Variants in PPA2 observed in about 807,000 individuals in gnomAD.
PPA2 encodes inorganic pyrophosphatase 2, mitochondrial.
Under a neutral mutation model 49.5 loss-of-function variants are expected in PPA2, and 48 were observed. That is an observed-to-expected ratio of 0.97 (90% CI 0.77 to 1.23). The LOEUF (loss-of-function observed/expected upper bound fraction) is 1.23. PPA2 is among the 50% of genes most tolerant of loss of function. The probability of loss-of-function intolerance (pLI) is 0.00; values close to 1 mark genes in which losing one functional copy is unlikely to be tolerated. For missense variants in PPA2, 429 were observed against 410.1 expected (o/e 1.05, Z -0.40); for synonymous variants, 131 against 139.9 (o/e 0.94, Z 0.45).
At chr4:105,403,175 C>CA (rs1722303046) in intron 7 of PPA2, among the ~76,000 whole-genome samples, 1 of 152,068 alleles carries the variant, frequency 6.6e-6, no homozygotes, top group African/African-American at 2.4e-5. Context: ...AAGTGTGCAC[C>CA]ACCATGCTTG....
chr4:105,445,003 A>T (rs988827063), intron 5 of PPA2, among the ~76,000 whole-genome samples: 1 of 152,184 alleles, frequency 6.6e-6, no homozygotes, highest in Non-Finnish European at 1.5e-5. Flanking sequence ...AGGTCACATT[A>T]CTAGAAAGTG....
chr4:105,395,788 G>A (rs1201586327), intron 9 of PPA2, among the ~76,000 whole-genome samples: 1 of 151,946 alleles, frequency 6.6e-6, no homozygotes, highest in Non-Finnish European at 1.5e-5. Flanking sequence ...ATATTAAAAG[G>A]GGCTCAGCCC....
intron 9 of PPA2, among the ~76,000 whole-genome samples, chr4:105,392,156 A>G (rs1387436503): frequency 6.6e-6 from 1 of 152,188 alleles, no homozygotes; most frequent in Non-Finnish European, 1.5e-5. Flanking sequence ...GATTTCTCCC[A>G]GAATCAAGTT....
intron 9 of PPA2, among the ~76,000 whole-genome samples, chr4:105,391,977 A>G (rs1733940588): frequency 6.6e-6 from 1 of 152,140 alleles, no homozygotes; most frequent in South Asian, 2.1e-4. Flanking sequence ...GCACTCAAGA[A>G]TCAATCAAAA....
rs769315119 is a variant in PPA2, at chr4:105,406,069, C to T, written c.656-6905G>A. The stretch of plus-strand genomic sequence containing the variant: ...TTTCAGGAAACATGGTCACAATGCA[C>T]GAACATATGGAAATCCAAGATGAGG... On this transcript the variant is annotated intron_variant, in intron 7 of 11. Transcript: ENST00000341695. The T allele has an allele frequency of 6.7e-4, 90 of 134,828 alleles. 1 individual carries two copies. Among genetic ancestry groups the T allele is most frequent in the Non-Finnish European group, 1.7e-4 (11 of 65,670 alleles). The allele number at this position is 134,828 out of a possible 1,614,324, so 8.4% of individuals were successfully genotyped here.
At chr4:105,405,560 A>G in intron 7 of PPA2, 4 of 947,178 alleles carry the variant, frequency 4.2e-6, no homozygotes, top group Non-Finnish European at 5.0e-6. Flanking sequence ...TATTTCTGAA[A>G]TGAGGTTTTC....
chr4:105,471,144 T>C (rs1215996776), intron 1 of PPA2, among the ~76,000 whole-genome samples: 1 of 152,170 alleles, frequency 6.6e-6, no homozygotes, highest in East Asian at 1.9e-4. Context: ...CCTAATAATA[T>C]ACCATGGGAT....
chr4:105,425,957 A>T (rs946775769), intron 6 of PPA2, among the ~76,000 whole-genome samples: 2 of 152,180 alleles, frequency 1.3e-5, no homozygotes, highest in Non-Finnish European at 2.9e-5. Flanking sequence ...CAAAGAAATG[A>T]AATCTTTAAA....
Position 105,370,929 on chromosome 4 carries a change from AG to A in PPA2, c.940-57del, listed in dbSNP as rs1046905020. ...TTACAATAAATATTTATATGTGGAA[AG>A]CGCATCCAGAAGTTTTTTCACGAAA... On this transcript the variant is annotated intron_variant, in intron 10 of 11. Coordinates refer to ENST00000341695, the MANE Select transcript of PPA2 (RefSeq NM_176869.3). The A allele has an allele frequency of 7.1e-5, 100 of 1,399,596 alleles. No homozygotes were observed. The African/African-American group carries it at 1.4e-3, about 19-fold the overall frequency. 86.7% of individuals were successfully genotyped at this position (1,399,596 alleles called of 1,614,324 possible).
At chr4:105,438,895 T>C (rs992426334) in intron 5 of PPA2, among the ~76,000 whole-genome samples, 1 of 152,138 alleles carries the variant, frequency 6.6e-6, no homozygotes, top group African/African-American at 2.4e-5. Context: ...TTTCCTTTAA[T>C]TTTATATAGA....
intron 1 of PPA2, among the ~76,000 whole-genome samples, chr4:105,457,133 A>G (rs1255676932): frequency 6.6e-6 from 1 of 152,180 alleles, no homozygotes. Flanking sequence ...AAACTTAACA[A>G]TAGTATTCCC....
At chr4:105,422,585 G>T (rs1723300289) in intron 7 of PPA2, among the ~76,000 whole-genome samples, 1 of 93,706 alleles carries the variant, frequency 1.1e-5, no homozygotes, top group Non-Finnish European at 2.7e-5. Context: ...TGAATTGCTT[G>T]GTATAATATT....
chr4:105,409,296 G>A (rs930154767), intron 7 of PPA2, among the ~76,000 whole-genome samples: 1 of 152,234 alleles, frequency 6.6e-6, no homozygotes, highest in East Asian at 1.9e-4. Context: ...CTTGTTCACT[G>A]CTAGCGCAGC....
At chr4:105,397,592 T>C (rs1353806405) in intron 8 of PPA2, among the ~76,000 whole-genome samples, 1 of 152,152 alleles carries the variant, frequency 6.6e-6, no homozygotes, top group African/African-American at 2.4e-5. Flanking sequence ...AATCTCATGT[T>C]CAAATTTGAT....
chr4:105,370,869 G>T lies in PPA2; in HGVS notation c.944C>A (p.Ser315Ter). Residue 315 changes from serine to a stop codon, truncating the protein, a stop_gained, in exon 11 of 12, where the codon TCA (serine) becomes TAA (stop). Transcript: ENST00000341695. LOFTEE classifies it high-confidence loss of function. ...ATTACTTTCTTTATTTGGTGAAGATGATACCTGGAAATAAAAACAGAGAAA... is the reference window on the plus strand; with the variant it reads ...ATTACTTTCTTTATTTGGTGAAGATTATACCTGGAAATAAAAACAGAGAAA... The part of the protein sequence containing the change: ...EEARSLVESV[S>*]SSPNKESNEE... 1 of 1,472,168 alleles carries T rather than the reference G, an allele frequency of 6.8e-7. No individual in the cohort carries two copies. The highest frequency in any genetic ancestry group is 9.1e-7 in the Non-Finnish European group (1 of 1,094,032). The allele number at this position is 1,472,168 out of a possible 1,614,324, so 91.2% of individuals were successfully genotyped here.
At chr4:105,437,365 A>G (rs1312007564) in intron 6 of PPA2, among the ~76,000 whole-genome samples, 2 of 152,204 alleles carry the variant, frequency 1.3e-5, no homozygotes, top group Admixed American at 6.5e-5. Flanking sequence ...AACGTAGTAG[A>G]AAATAGAAGA....
chr4:105,373,450 A>G (rs967011987), intron 10 of PPA2, among the ~76,000 whole-genome samples: 1 of 144,262 alleles, frequency 6.9e-6, no homozygotes, highest in Admixed American at 7.1e-5. Flanking sequence ...TAAGGACAGT[A>G]TAACAATACA....
intron 6 of PPA2, among the ~76,000 whole-genome samples, chr4:105,426,542 T>G (rs899949191): frequency 2.6e-5 from 4 of 152,254 alleles, no homozygotes; most frequent in Non-Finnish European, 5.9e-5. Context: ...CTCCCGTGCC[T>G]GGCTCGGCGG....
intron 10 of PPA2, among the ~76,000 whole-genome samples, chr4:105,371,911 T>A (rs927502007): frequency 2.0e-5 from 3 of 152,106 alleles, no homozygotes; most frequent in African/African-American, 7.2e-5. Flanking sequence ...CTGCTCCACT[T>A]CTCTCCCTAT....
Sources: gnomAD v4.1 joint callset for allele counts (sites outside exome capture counted in the v4.1 genomes callset) on GRCh38, gnomAD v4.1.1 for gene constraint, MANE v1.5 for transcripts, NCBI Gene and HGNC (gene_info 2026-07-23, HGNC 2026-07-21) for gene names.